The following RIF1 variants were observed in gnomAD, a reference collection of about 807,000 sequenced individuals.
The protein encoded by RIF1 is telomere-associated protein RIF1.
In RIF1, 45 loss-of-function variants were observed where a neutral mutation model predicts 247.1. That is an observed-to-expected ratio of 0.18 (90% CI 0.14 to 0.23). The LOEUF is 0.23. RIF1 is among the 10% of genes least tolerant of loss of function. The pLI is 1.00. For missense variants in RIF1, 2,967 were observed against 2,862.5 expected (o/e 1.04, Z -0.83); for synonymous variants, 1,087 against 978.8 (o/e 1.11, Z -2.06).
chr2:151,528,808 C>T, the RIF1 span, among the ~76,000 whole-genome samples: 2 of 152,182 alleles, frequency 1.3e-5, no homozygotes, highest in Non-Finnish European at 2.9e-5. Context: ...CCTGATGGCA[C>T]CAAATGGCTC....
chr2:151,508,139 G>T (rs765622241), downstream of RIF1: 19 of 1,494,324 alleles, frequency 1.3e-5, no homozygotes, highest in African/African-American at 2.5e-4. Context: ...AATAAGGAGG[G>T]TAAACACCAC....
rs1331693150 is a variant in RIF1, at chr2:151,479,584, G to T, written c.*4513G>T. The T allele has an allele frequency of 6.6e-6, 1 of 152,144 alleles. No individual in the cohort carries two copies. Among genetic ancestry groups the T allele is most frequent in the Non-Finnish European group, 1.5e-5 (1 of 68,020 alleles). 9.4% of individuals were successfully genotyped at this position (152,144 alleles called of 1,614,324 possible). On this transcript the variant is annotated 3_prime_UTR_variant, in exon 36 of 36. Transcript: ENST00000444746. ...CTATAATGAATAAGTCAGTCTAGCA[G>T]ATATGCCCTGTCATTATACTGCGGA...
the RIF1 span, chr2:151,514,291 C>A: frequency 6.8e-7 from 1 of 1,469,990 alleles, no homozygotes; most frequent in Non-Finnish European, 9.5e-7. Flanking sequence ...GTATGAATTA[C>A]GTGCAGGCAG....
At chr2:151,532,032 A>C in the RIF1 span, 7 of 612,658 alleles carry the variant, frequency 1.1e-5, no homozygotes, top group Non-Finnish European at 1.4e-5. Flanking sequence ...AATGTTTACT[A>C]TAAATTTGTG....
At chr2:151,521,658 A>G in the RIF1 span, among the ~76,000 whole-genome samples, 1 of 152,360 alleles carries the variant, frequency 6.6e-6, no homozygotes, top group Non-Finnish European at 1.5e-5. Flanking sequence ...TGTCTTTTAG[A>G]AGATACTTGT....
At position 151,497,733 on chromosome 2, in the gene RIF1, A is replaced by G. The variant is rs748298265; in HGVS notation, c.*514-1612A>G. On this transcript the variant is annotated intron_variant and NMD_transcript_variant, in intron 10 of 13. Coordinates refer to the RIF1 transcript ENST00000454583. ...TTGTATAACACCTGTGCGATAAGAA[A>G]GCATCCAGAAAAACAACCATGAGTA... The G allele has an allele frequency of 6.4e-7, 1 of 1,562,668 alleles. No homozygotes were observed. Among genetic ancestry groups the G allele is most frequent in the South Asian group, 1.2e-5 (1 of 84,248 alleles).
rs1696607507 is a variant in RIF1 at position 151,464,347 on chromosome 2, A to G, written c.4827A>G (p.Glu1609=). ...CACATGATTATAAAGCAACTTCTGAAGAAGATGTAAGCATAAAATCTCCGA... is the reference window on the plus strand; with the variant it reads ...CACATGATTATAAAGCAACTTCTGAGGAAGATGTAAGCATAAAATCTCCGA... ...NQSHDYKATS[E]EDVSIKSPIC... Residue 1609 remains glutamate (E), a synonymous_variant, in exon 30 of 36, where the codon GAA becomes GAG. Coordinates refer to ENST00000444746, the MANE Select transcript of RIF1 (RefSeq NM_018151.5). 1.9e-6 allele frequency: 3 copies of G among 1,610,552 alleles called. No individual in the cohort carries two copies. The highest frequency in any genetic ancestry group is 3.4e-5 in the Admixed American group (2 of 59,272).
At chr2:151,469,175 A>G (rs918182895) in intron 33 of RIF1, among the ~76,000 whole-genome samples, 2 of 152,124 alleles carry the variant, frequency 1.3e-5, no homozygotes, top group Non-Finnish European at 2.9e-5. Flanking sequence ...TCTAATTACA[A>G]GTTTGTTTCC....
At position 151,411,266 on chromosome 2, in the gene RIF1, G is replaced by T; in HGVS notation, c.111G>T (p.Met37Ile). ...TDAYLTLTSR[M>I]TGEEGKEVIT... Reference sequence around the variant, plus strand: ...GTTCTTCCTGCTTTTTAAGTCGTATGACTGGAGAAGAAGGAAAAGAAGTAA... The same window carrying T: ...GTTCTTCCTGCTTTTTAAGTCGTATTACTGGAGAAGAAGGAAAAGAAGTAA... The change falls in exon 3 of 36, where the codon ATG (methionine) becomes ATT (isoleucine). Residue 37 changes from methionine to isoleucine, a missense_variant. Physicochemically the swap from Met to Ile is conservative, Grantham distance 10. Transcript: ENST00000444746. The T allele has an allele frequency of 6.3e-7, 1 of 1,591,450 alleles. No individual in the cohort carries two copies. The highest frequency in any genetic ancestry group is 1.1e-5 in the South Asian group (1 of 87,394).
chr2:151,466,264 G>A (rs1448497720), intron 30 of RIF1, 144 bp downstream of exon 30: 1 of 590,388 alleles, frequency 1.7e-6, no homozygotes, highest in Admixed American at 2.9e-5. Context: ...CTAGGGAAAA[G>A]GTAGGTAGAA....
the RIF1 span, chr2:151,516,474 C>T: frequency 3.3e-5 from 53 of 1,611,760 alleles, no homozygotes; most frequent in Non-Finnish European, 4.3e-5. Flanking sequence ...TCTGCATCTG[C>T]TGAGACTCTT....
the RIF1 span, chr2:151,519,877 T>C: frequency 2.9e-6 from 2 of 685,460 alleles, no homozygotes; most frequent in Non-Finnish European, 5.2e-6. Context: ...CATAGAGTGA[T>C]CATATAATCT....
chr2:151,447,773 G>A (rs913074313), intron 20 of RIF1, among the ~76,000 whole-genome samples: 7 of 152,020 alleles, frequency 4.6e-5, no homozygotes, highest in Admixed American at 2.6e-4. Context: ...TCGAATTCTT[G>A]ACCTGAGGTG....
exon 14 of RIF1, chr2:151,507,899 G>T: frequency 2.7e-6 from 2 of 750,738 alleles, no homozygotes; most frequent in South Asian, 1.5e-5. Context: ...TGGGAGTTGT[G>T]GAGGGCTGCA....
Position 151,480,491 on chromosome 2 carries a change from A to C in RIF1, c.*5420A>C, listed in dbSNP as rs148515958. On this transcript the variant is annotated 3_prime_UTR_variant, in exon 36 of 36. Coordinates refer to ENST00000444746, the MANE Select transcript of RIF1 (RefSeq NM_018151.5). ...ATACTTCAGAAATAGCTGATAGCCT[A>C]TAGTCTCTGAGAGCTATTCTGTACA... 1 of 152,202 alleles carries C rather than the reference A, an allele frequency of 6.6e-6. No homozygotes were observed. Among genetic ancestry groups the C allele is most frequent in the Non-Finnish European group, 1.5e-5 (1 of 68,010 alleles). The allele number at this position is 152,202 out of a possible 1,614,324, so 9.4% of individuals were successfully genotyped here.
intron 13 of RIF1, 146 bp downstream of exon 13, chr2:151,437,497 C>G: frequency 1.6e-6 from 1 of 616,928 alleles, no homozygotes; most frequent in African/African-American, 1.9e-5. Flanking sequence ...TCGAGACCAG[C>G]CTGGGCAACA....
chr2:151,450,849 G>T (rs750992127), intron 20 of RIF1, among the ~76,000 whole-genome samples: 1 of 152,166 alleles, frequency 6.6e-6, no homozygotes, highest in Non-Finnish European at 1.5e-5. Flanking sequence ...CTCCCAAAGT[G>T]CTGGGATTGC....
intron 10 of RIF1, chr2:151,496,471 G>A (rs1213963010): frequency 4.8e-6 from 7 of 1,468,966 alleles, no homozygotes; most frequent in East Asian, 2.5e-5. Context: ...AAACACAGTC[G>A]TCCAAGGAGC....
intron 30 of RIF1, among the ~76,000 whole-genome samples, chr2:151,466,413 A>C (rs1185678507): frequency 1.3e-5 from 2 of 152,222 alleles, no homozygotes; most frequent in Non-Finnish European, 2.9e-5. Flanking sequence ...TCTGCTCCCC[A>C]TACCATAATA....
Sources: gnomAD v4.1 joint callset for allele counts (sites outside exome capture counted in the v4.1 genomes callset) on GRCh38, gnomAD v4.1.1 for gene constraint, MANE v1.5 for transcripts, NCBI Gene and HGNC (gene_info 2026-07-23, HGNC 2026-07-21) for gene names.